Variants in NEK7 observed in about 807,000 individuals in gnomAD.
NEK7 encodes NIMA related kinase 7.
In NEK7, 18 loss-of-function variants were observed where a neutral mutation model predicts 44.6. The ratio of observed to expected loss-of-function variants is 0.40; its 90% CI spans 0.28 to 0.60. The LOEUF is 0.60. NEK7 is among the 20% of genes least tolerant of loss of function. The pLI, the probability that NEK7 is intolerant of heterozygous loss-of-function variation, is 0.38. For missense variants in NEK7, 256 were observed against 366.5 expected (o/e 0.70, Z 2.46); for synonymous variants, 130 against 121.1 (o/e 1.07, Z -0.48).
At chr1:198,282,376 T>C (rs1654230908) in intron 7 of NEK7, among the ~76,000 whole-genome samples, 1 of 152,070 alleles carries the variant, frequency 6.6e-6, no homozygotes, top group Non-Finnish European at 1.5e-5. Context: ...AGCTTCCCAC[T>C]CTGATTATTG....
At chr1:198,219,584 A>G (rs1331662889) in intron 1 of NEK7, among the ~76,000 whole-genome samples, 1 of 151,836 alleles carries the variant, frequency 6.6e-6, no homozygotes, top group East Asian at 1.9e-4. Context: ...GTGAGGGATG[A>G]AAAACTACTT....
At chr1:198,289,874 T>G (rs150061199) in intron 7 of NEK7, among the ~76,000 whole-genome samples, 1,748 of 152,292 alleles carry the variant, frequency 0.011, 11 homozygotes, top group Non-Finnish European at 0.018. Flanking sequence ...TTATTGTTTA[T>G]GGAGTATATA....
intron 9 of NEK7, 65 bp downstream of exon 9, chr1:198,297,305 G>T (rs1272145628): frequency 6.3e-7 from 1 of 1,593,860 alleles, no homozygotes; most frequent in African/African-American, 1.4e-5. Flanking sequence ...ATTTTACCAA[G>T]AAATTTTACT....
chr1:198,302,886 T>C (rs180860556), intron 9 of NEK7, among the ~76,000 whole-genome samples: 85 of 152,302 alleles, frequency 5.6e-4, no homozygotes, highest in African/African-American at 1.9e-3. Context: ...CCTGTTTGTG[T>C]TACAAGAACA....
intron 5 of NEK7, 146 bp downstream of exon 5, chr1:198,264,381 G>T (rs1258658367): frequency 2.3e-6 from 1 of 435,714 alleles, no homozygotes; most frequent in African/African-American, 2.5e-5. Flanking sequence ...AATAGTAGAT[G>T]GTTAGTGATC....
intron 1 of NEK7, among the ~76,000 whole-genome samples, chr1:198,199,540 T>C (rs940898945): frequency 6.6e-6 from 1 of 152,210 alleles, no homozygotes; most frequent in Admixed American, 6.5e-5. Flanking sequence ...TACTTTTTTT[T>C]TTATATTGCT....
intron 9 of NEK7, among the ~76,000 whole-genome samples, chr1:198,313,971 T>C (rs1423947506): frequency 2.0e-5 from 3 of 151,404 alleles, no homozygotes; most frequent in Non-Finnish European, 2.9e-5. Flanking sequence ...TGAATCTGAA[T>C]GTTGACCTGC....
intron 1 of NEK7, among the ~76,000 whole-genome samples, chr1:198,181,477 G>T (rs1021651458): frequency 1.3e-5 from 2 of 151,846 alleles, no homozygotes; most frequent in African/African-American, 4.8e-5. Flanking sequence ...TTTGAGACTG[G>T]GTATCTATCA....
At chr1:198,275,520 C>G (rs976237203) in intron 5 of NEK7, among the ~76,000 whole-genome samples, 2 of 147,928 alleles carry the variant, frequency 1.4e-5, no homozygotes, top group African/African-American at 5.0e-5. Context: ...TTAATCAGAG[C>G]TAAACATTTA....
At chr1:198,235,930 TC>T (rs1008966487) in intron 2 of NEK7, among the ~76,000 whole-genome samples, 1 of 152,108 alleles carries the variant, frequency 6.6e-6, no homozygotes, top group African/African-American at 2.4e-5. Context: ...AGTATGAAAA[TC>T]TTATCTTGGA....
At chr1:198,171,372 C>T (rs1347016954) in intron 1 of NEK7, among the ~76,000 whole-genome samples, 1 of 151,896 alleles carries the variant, frequency 6.6e-6, no homozygotes, top group Non-Finnish European at 1.5e-5. Context: ...AATTTCTAAC[C>T]ACTTAGTCTC....
intron 9 of NEK7, among the ~76,000 whole-genome samples, chr1:198,300,658 T>A (rs1654856081): frequency 6.6e-6 from 1 of 152,242 alleles, no homozygotes; most frequent in Non-Finnish European, 1.5e-5. Context: ...GTAACTCTGC[T>A]GCTTATCTGT....
At chr1:198,163,345 A>G (rs1571492598) in intron 1 of NEK7, among the ~76,000 whole-genome samples, 1 of 152,118 alleles carries the variant, frequency 6.6e-6, no homozygotes, top group East Asian at 1.9e-4. Context: ...ATTTAAAAAA[A>G]ATTAGTTGGG....
chr1:198,250,557 G>A (rs1305276390), intron 2 of NEK7, among the ~76,000 whole-genome samples: 4 of 140,188 alleles, frequency 2.9e-5, no homozygotes, highest in African/African-American at 1.1e-4. Context: ...TTATTTCCTT[G>A]AGCAGTGGTT....
At chr1:198,174,350 G>A (rs1664537443) in intron 1 of NEK7, among the ~76,000 whole-genome samples, 1 of 150,204 alleles carries the variant, frequency 6.7e-6, no homozygotes, top group Non-Finnish European at 1.5e-5. Context: ...ATCTTAATTT[G>A]CATTGACGTT....
chr1:198,236,107 A>G (rs1666539073), intron 2 of NEK7, among the ~76,000 whole-genome samples: 1 of 152,200 alleles, frequency 6.6e-6, no homozygotes, highest in South Asian at 2.1e-4. Context: ...GGTTCATTGT[A>G]GGCCAGCCAG....
At chr1:198,259,545 G>T (rs1346071196) in intron 3 of NEK7, among the ~76,000 whole-genome samples, 1 of 152,068 alleles carries the variant, frequency 6.6e-6, no homozygotes, top group Non-Finnish European at 1.5e-5. Flanking sequence ...AGCATTTCCT[G>T]AGAATGGCAT....
intron 8 of NEK7, among the ~76,000 whole-genome samples, chr1:198,296,171 ACT>A (rs905784276): frequency 1.3e-5 from 2 of 152,102 alleles, no homozygotes; most frequent in Admixed American, 1.3e-4. Context: ...TTTCACACAC[ACT>A]CTGCCTGTCT....
chr1:198,292,961 C>T lies in NEK7; in HGVS notation c.606C>T (p.Tyr202=). The change falls in exon 8 of 10, where the codon TAC becomes TAT. Residue 202 remains tyrosine (Y), a synonymous_variant. Transcript: ENST00000367385. ...AAHSLVGTPY[Y]MSPERIHENG... ...TTTTTGCAGTTGGTACGCCTTATTA[C>T]ATGTCTCCAGAGAGAATACATGAAA... 1.9e-6 allele frequency: 3 copies of T among 1,589,266 alleles called. No homozygotes were observed. Among genetic ancestry groups the T allele is most frequent in the Non-Finnish European group, 2.6e-6 (3 of 1,158,158 alleles).
Sources: allele counts gnomAD v4.1 joint callset (sites outside exome capture counted in the v4.1 genomes callset), GRCh38; gene constraint gnomAD v4.1.1; transcripts MANE v1.5; gene names NCBI Gene and HGNC (gene_info 2026-07-23, HGNC 2026-07-21).